RNF39: variants seen among roughly 807,000 people sequenced by gnomAD.
RNF39 encodes the protein LTP (long-term potentiation) induced RING finger protein.
RNF39 carries 25 observed loss-of-function variants against 29.2 expected under a neutral mutation model. The observed-to-expected ratio is 0.86, with a 90% CI of 0.62 to 1.20. The LOEUF (loss-of-function observed/expected upper bound fraction) is 1.20. Among genes scored for constraint, RNF39 ranks in the 50% most tolerant of loss-of-function variants. RNF39 has a pLI of 0.00. For synonymous variants in RNF39, 219 were observed against 229.0 expected, an observed-to-expected ratio of 0.96 and a Z score of 0.40; for missense variants, 519 against 515.0, an observed-to-expected ratio of 1.01 and a Z score of -0.08.
chr6:30,075,682 G>T lies in RNF39; in HGVS notation c.-97C>A, dbSNP rs779624036. 3 of 1,612,684 alleles carry T rather than the reference G, an allele frequency of 1.9e-6. No homozygotes were observed. The highest frequency in any genetic ancestry group is 2.7e-5 in the African/African-American group (2 of 74,426). On this transcript the variant is annotated 5_prime_UTR_variant, in exon 1 of 4. Coordinates refer to ENST00000244360, the MANE Select transcript of RNF39 (RefSeq NM_025236.4). ...CGCCCCTGCTGCTTGCTGTGTAGAT[G>T]CCCTTCTCTCCGACTCCCGCATTAA...
At position 30,071,407 on chromosome 6, in the gene RNF39, T is replaced by C; in HGVS notation, c.763A>G (p.Lys255Glu). 1 of 1,487,170 alleles carries C rather than the reference T, an allele frequency of 6.7e-7. No homozygotes were observed. The allele number at this position is 1,487,170 out of a possible 1,614,324, so 92.1% of individuals were successfully genotyped here. A position where few individuals can be genotyped will look rare whatever the true frequency, so the allele number is the denominator to read the frequency against. ...GCAGGGCACAGCCTTACGCAGCCCTTGCGTTGCACTGATTCCCCGGCCGCG... is the reference window on the plus strand; with the variant it reads ...GCAGGGCACAGCCTTACGCAGCCCTCGCGTTGCACTGATTCCCCGGCCGCG... Reference protein sequence around the residue: ...VGAAGESVQRKGCVRLCPAGA... With the variant: ...VGAAGESVQREGCVRLCPAGA... The change falls in exon 4 of 4, where the codon AAG becomes GAG. Residue 255 changes from lysine to glutamate, a missense_variant. Transcript: ENST00000244360. This position sits in a 1 kb window ranked among gnomAD's most constrained non-coding sequence, Gnocchi z 5.0.
At position 30,071,260 on chromosome 6, in the gene RNF39, C is replaced by G; in HGVS notation, c.910G>C (p.Glu304Gln). 1 of 1,512,098 alleles carries G rather than the reference C, an allele frequency of 6.6e-7. No individual in the cohort carries two copies. Among genetic ancestry groups the G allele is most frequent in the Non-Finnish European group, 8.8e-7 (1 of 1,133,232 alleles). The allele number at this position is 1,512,098 out of a possible 1,614,324, so 93.7% of individuals were successfully genotyped here. Residue 304 changes from glutamate (E) to glutamine (Q), a missense_variant, in exon 4 of 4, where the codon GAG becomes CAG. By Grantham distance (29) the Glu-to-Gln change is conservative. Transcript: ENST00000244360. The surrounding 1 kb of genome is among the most constrained non-coding windows in gnomAD (Gnocchi z 5.0). ...PRRIRVDLDW[E>Q]RGRVAFYDGR... ...TCGTAGAAGGCCACGCGGCCCCGCT[C>G]CCAGTCCAGGTCCACGCGAATGCGC... is the stretch of plus-strand genomic sequence containing the variant.
Position 30,070,656 on chromosome 6 carries a change from C to T in RNF39, c.*455G>A. On this transcript the variant is annotated 3_prime_UTR_variant, in exon 4 of 4. Transcript: ENST00000244360. ...TCAAGCCTCTTGTTTTAGGAGAAACCTCAGTGGACAGGCAGGGTAGCCCAG... is the reference window on the plus strand; with the variant it reads ...TCAAGCCTCTTGTTTTAGGAGAAACTTCAGTGGACAGGCAGGGTAGCCCAG... 1 of 365,462 alleles carries T rather than the reference C, an allele frequency of 2.7e-6. No individual in the cohort carries two copies. Among genetic ancestry groups the T allele is most frequent in the Non-Finnish European group, 5.4e-6 (1 of 186,428 alleles). The allele number at this position is 365,462 out of a possible 1,614,324, so 22.6% of individuals were successfully genotyped here. A position where few individuals can be genotyped will look rare whatever the true frequency, so the allele number is the denominator to read the frequency against.
At chr6:30,075,178 C>T (rs1150736) in intron 1 of RNF39, 45 bp downstream of exon 1, 479,059 of 1,509,410 alleles carry the variant, frequency 0.32, 78,248 homozygotes, top group East Asian at 0.36. Flanking sequence ...TCCCCGGGAA[C>T]CTCCCGCTTC....
At position 30,070,589 on chromosome 6, in the gene RNF39, A is replaced by C; in HGVS notation, c.*522T>G. 3.1e-6 allele frequency: 1 copy of C among 319,426 alleles called. No homozygotes were observed. The highest frequency in any genetic ancestry group is 6.2e-6 in the Non-Finnish European group (1 of 160,790). 19.8% of individuals were successfully genotyped at this position (319,426 alleles called of 1,614,324 possible). ...TCCCCACCCCCAGATCCTGCAAAAGAGGTACAAAGCTTCCCAGAGGGCCAC... is the reference window on the plus strand; with the variant it reads ...TCCCCACCCCCAGATCCTGCAAAAGCGGTACAAAGCTTCCCAGAGGGCCAC... On this transcript the variant is annotated 3_prime_UTR_variant, in exon 4 of 4. Transcript: ENST00000244360.
rs2127316651 is a variant in RNF39, at chr6:30,071,488, A to G, written c.682T>C (p.Cys228Arg). ...WEVETADAAS[C>R]RDSSGEDADD... is the part of the protein sequence containing the mutation. ...GCATCCTCCCCAGAAGAGTCTCTGC[A>G]GGAGGCGGCGTCCGCAGTCTCCACC... The change falls in exon 4 of 4, where the codon TGC becomes CGC. Residue 228 changes from cysteine to arginine, a missense_variant. Physicochemically the swap from Cys to Arg is radical, Grantham distance 180 (BLOSUM62 -3). Transcript: ENST00000244360. The surrounding 1 kb of genome is among the most constrained non-coding windows in gnomAD (Gnocchi z 5.0). 4 of 1,558,672 alleles carry G rather than the reference A, an allele frequency of 2.6e-6. No individual in the cohort carries two copies. In the South Asian group the frequency reaches 4.7e-5, roughly 18 times the overall value.
intron 1 of RNF39, 28 bp from the exon 2 acceptor site, chr6:30,073,506 G>A (rs201626249): frequency 1.2e-6 from 2 of 1,612,220 alleles, no homozygotes. Flanking sequence ...AAACATGGAT[G>A]TGAGCTCTGG....
In RNF39 at chr6:30,075,420, T is replaced by G; in HGVS notation, c.166A>C (p.Thr56Pro). Reference sequence around the variant, plus strand: ...GGACAGGCGGTGGGGGAAGCCTCGGTGCCGGTCGCCGGCGGAGTCCCCCAG... The same window carrying G: ...GGACAGGCGGTGGGGGAAGCCTCGGGGCCGGTCGCCGGCGGAGTCCCCCAG... ...RRWGTPPATG[T>P]EASPTACPCC... The change falls in exon 1 of 4, where the codon ACC (threonine) becomes CCC (proline). Residue 56 changes from threonine (T) to proline (P), a missense_variant. Physicochemically the swap from Thr to Pro is conservative, Grantham distance 38. Transcript: ENST00000244360. 1 of 1,555,160 alleles carries G rather than the reference T, an allele frequency of 6.4e-7. No individual in the cohort carries two copies. Among genetic ancestry groups the G allele is most frequent in the Non-Finnish European group, 8.7e-7 (1 of 1,153,574 alleles).
rs148752929 is a variant in RNF39, at chr6:30,070,576, G to T, written c.*535C>A. ...ACTAGCTTGTCCCTCCCCACCCCCAGATCCTGCAAAAGAGGTACAAAGCTT... is the reference window on the plus strand; with the variant it reads ...ACTAGCTTGTCCCTCCCCACCCCCATATCCTGCAAAAGAGGTACAAAGCTT... On this transcript the variant is annotated 3_prime_UTR_variant, in exon 4 of 4. Transcript: ENST00000244360. The T allele has an allele frequency of 9.9e-3, 3,051 of 309,544 alleles. 33 individuals are homozygous for T. The highest frequency in any genetic ancestry group is 0.016 in the Non-Finnish European group (2,496 of 155,728). 19.2% of individuals were successfully genotyped at this position (309,544 alleles called of 1,614,324 possible). A position where few individuals can be genotyped will look rare whatever the true frequency, so the allele number is the denominator to read the frequency against.
chr6:30,075,160 T>TC (rs1317376460), intron 1 of RNF39, 63 bp downstream of exon 1: 47 of 1,479,414 alleles, frequency 3.2e-5, no homozygotes, highest in East Asian at 5.1e-5. Context: ...GACGTGCCAT[T>TC]CCCGGCTTCC....
rs1213840448 is a variant in RNF39 at position 30,071,252 on chromosome 6, G to A, written c.918C>T (p.Gly306=). ...RIRVDLDWER[G]RVAFYDGRSL... ...AGCGGCCGTCGTAGAAGGCCACGCG[G>A]CCCCGCTCCCAGTCCAGGTCCACGC... The change falls in exon 4 of 4, where the codon GGC becomes GGT. Residue 306 remains glycine, a synonymous_variant. Coordinates refer to ENST00000244360, the MANE Select transcript of RNF39 (RefSeq NM_025236.4). The surrounding 1 kb of genome is among the most constrained non-coding windows in gnomAD (Gnocchi z 5.0). The A allele has an allele frequency of 2.0e-6, 3 of 1,511,804 alleles. No homozygotes were observed. Among genetic ancestry groups the A allele is most frequent in the South Asian group, 1.4e-5 (1 of 73,856 alleles). The allele number at this position is 1,511,804 out of a possible 1,614,324, so 93.6% of individuals were successfully genotyped here. A position where few individuals can be genotyped will look rare whatever the true frequency, so the allele number is the denominator to read the frequency against.
chr6:30,073,348 T>C, intron 2 of RNF39, 100 bp from the exon 3 acceptor site: 1 of 1,532,872 alleles, frequency 6.5e-7, no homozygotes. Context: ...GATGAGACTA[T>C]ACCCCAGAAA....
chr6:30,071,476 AAG>A lies in RNF39; in HGVS notation c.692_693del (p.Ser231PhefsTer60), dbSNP rs1765966901. ...ETADAASCRD[S>X]SGEDADDEES... ...TCCTCGTCGTCCGCATCCTCCCCAG[AAG>A]AGTCTCTGCAGGAGGCGGCGTCCGC... is the stretch of plus-strand genomic sequence containing the variant. On this transcript the variant is annotated frameshift_variant, in exon 4 of 4. Coordinates refer to ENST00000244360, the MANE Select transcript of RNF39 (RefSeq NM_025236.4). LOFTEE classifies it high-confidence loss of function. This position sits in a 1 kb window ranked among gnomAD's most constrained non-coding sequence, Gnocchi z 5.0. The A allele has an allele frequency of 6.4e-7, 1 of 1,570,344 alleles. No individual in the cohort carries two copies. The highest frequency in any genetic ancestry group is 1.8e-5 in the Admixed American group (1 of 55,838).
At position 30,072,880 on chromosome 6, in the gene RNF39, G is replaced by A. The variant is rs1766099486; in HGVS notation, c.478+277C>T. ...ACCTATCACCCAAAGAACATGTGAG[G>A]CTACCAGAGGCTAGGAGACAGGCAT... On this transcript the variant is annotated intron_variant, in intron 3 of 3. Coordinates refer to ENST00000244360, the MANE Select transcript of RNF39 (RefSeq NM_025236.4). The surrounding 1 kb of genome is among the most constrained non-coding windows in gnomAD (Gnocchi z 4.5). 6.6e-6 allele frequency among the ~76,000 whole-genome samples: 1 copy of A among 152,158 alleles called. No individual in the cohort carries two copies. Among genetic ancestry groups the A allele is most frequent in the Non-Finnish European group, 1.5e-5 (1 of 68,010 alleles).
chr6:30,071,344 GGCGGCCGCC>G lies in RNF39; in HGVS notation c.817_825del (p.Gly273_Arg275del). The G allele has an allele frequency of 6.8e-7, 1 of 1,461,058 alleles. No homozygotes were observed. The allele number at this position is 1,461,058 out of a possible 1,614,324, so 90.5% of individuals were successfully genotyped here. A position where few individuals can be genotyped will look rare whatever the true frequency, so the allele number is the denominator to read the frequency against. ...GGTTCGGGTGCCGTGAGGGCCCACA[GGCGGCCGCC>G]GCGGCCCTCCACGGCCCACACGGCC... On this transcript the variant is annotated inframe_deletion, in exon 4 of 4. Transcript: ENST00000244360. This position sits in a 1 kb window ranked among gnomAD's most constrained non-coding sequence, Gnocchi z 5.0.
chr6:30,071,764 T>G lies in RNF39; in HGVS notation c.479-73A>C. ...ATCACAGGCGGGGTAGGGTGGAGAA[T>G]AGTCAACGAAGATCACGTAAAAGAC... On this transcript the variant is annotated intron_variant, in intron 3 of 3. Transcript: ENST00000244360. This position sits in a 1 kb window ranked among gnomAD's most constrained non-coding sequence, Gnocchi z 5.0. 8.0e-7 allele frequency: 1 copy of G among 1,246,262 alleles called. No homozygotes were observed. Among genetic ancestry groups the G allele is most frequent in the Non-Finnish European group, 1.1e-6 (1 of 948,640 alleles). The allele number at this position is 1,246,262 out of a possible 1,614,324, so 77.2% of individuals were successfully genotyped here.
At position 30,070,827 on chromosome 6, in the gene RNF39, G is replaced by T. The variant is rs930807694; in HGVS notation, c.*284C>A. The T allele has an allele frequency of 1.5e-6, 1 of 665,800 alleles. No homozygotes were observed. Among genetic ancestry groups the T allele is most frequent in the Non-Finnish European group, 2.8e-6 (1 of 361,792 alleles). The allele number at this position is 665,800 out of a possible 1,614,324, so 41.2% of individuals were successfully genotyped here. A position where few individuals can be genotyped will look rare whatever the true frequency, so the allele number is the denominator to read the frequency against. On this transcript the variant is annotated 3_prime_UTR_variant, in exon 4 of 4. Transcript: ENST00000244360. ...TGGGGAGGGCCTGTTCCCCATTGCA[G>T]GCCTAGAATGGTTTGAATGGGAGAA...
chr6:30,072,895 G>A lies in RNF39; in HGVS notation c.478+262C>T, dbSNP rs1224814383. On this transcript the variant is annotated intron_variant, in intron 3 of 3. Transcript: ENST00000244360. This position sits in a 1 kb window ranked among gnomAD's most constrained non-coding sequence, Gnocchi z 4.5. ...AACATGTGAGGCTACCAGAGGCTAG[G>A]AGACAGGCATGGAACAGATTCTGTC... Among the ~76,000 whole-genome samples, 2 of 152,190 alleles carry A rather than the reference G, an allele frequency of 1.3e-5. No individual in the cohort carries two copies. Among genetic ancestry groups the A allele is most frequent in the Non-Finnish European group, 2.9e-5 (2 of 68,036 alleles).
rs1233829119 is a variant in RNF39 at position 30,075,729 on chromosome 6, C to G, written c.-144G>C. 1 of 1,614,264 alleles carries G rather than the reference C, an allele frequency of 6.2e-7. No individual in the cohort carries two copies. Among genetic ancestry groups the G allele is most frequent in the East Asian group, 2.2e-5 (1 of 44,886 alleles). On this transcript the variant is annotated 5_prime_UTR_variant, in exon 1 of 4. Transcript: ENST00000244360. The stretch of plus-strand genomic sequence containing the variant: ...TTAACTTTTGCCGCTTTCCGCCCCT[C>G]TCCTGGGATTGCCTCTCTCTTCAAC...
Sources: gnomAD v4.1 joint callset for allele counts (sites outside exome capture counted in the v4.1 genomes callset) on GRCh38, gnomAD v4.1.1 for gene constraint, Gnocchi (gnomAD v3.1) non-coding constraint, MANE v1.5 for transcripts, NCBI Gene and HGNC (gene_info 2026-07-23, HGNC 2026-07-21) for gene names.